COL12A1: variants seen among roughly 807,000 people sequenced by gnomAD.
COL12A1 encodes collagen alpha-1(XII) chain.
A neutral mutation model predicts 349.7 loss-of-function variants in COL12A1; 114 were observed. The observed-to-expected ratio is 0.33, with a 90% CI of 0.28 to 0.38. The LOEUF is 0.38. Among genes scored for constraint, COL12A1 ranks in the 10% least tolerant of loss-of-function variants. The pLI, the probability that COL12A1 is intolerant of heterozygous loss-of-function variation, is 1.00. For missense variants in COL12A1, 3,284 were observed against 3,756.9 expected (o/e 0.87, Z 3.29); for synonymous variants, 1,369 against 1,329.0 (o/e 1.03, Z -0.66).
At chr6:75,201,527 C>T (rs1250440914) in intron 2 of COL12A1, among the ~76,000 whole-genome samples, 1 of 151,960 alleles carries the variant, frequency 6.6e-6, no homozygotes, top group Non-Finnish European at 1.5e-5. Flanking sequence ...TACTTTCTCA[C>T]AGCCTCTAAA....
At chr6:75,092,557 G>A (rs777574133) in intron 60 of COL12A1, among the ~76,000 whole-genome samples, 60 of 141,320 alleles carry the variant, frequency 4.2e-4, no homozygotes, top group Non-Finnish European at 7.3e-4. Context: ...TGCTATCACC[G>A]AAGGAACATC....
At chr6:75,186,902 G>T (rs1019830298) in intron 8 of COL12A1, among the ~76,000 whole-genome samples, 1 of 152,020 alleles carries the variant, frequency 6.6e-6, no homozygotes, top group African/African-American at 2.4e-5. Context: ...TTGCTTATAA[G>T]TGGGGGCTAA....
chr6:75,102,073 A>G (rs761414791), intron 56 of COL12A1, 21 bp from the exon 57 acceptor site: 1 of 1,612,422 alleles, frequency 6.2e-7, no homozygotes, highest in South Asian at 1.1e-5. Flanking sequence ...CAATGGGAAA[A>G]CAGTTCTCAG....
chr6:75,094,113 G>A (rs1204185900), intron 60 of COL12A1, among the ~76,000 whole-genome samples: 1 of 151,730 alleles, frequency 6.6e-6, no homozygotes, highest in African/African-American at 2.4e-5. Flanking sequence ...TATATCAGGA[G>A]TCCTTCTATC....
At chr6:75,129,656 G>A (rs1007585414) in intron 37 of COL12A1, among the ~76,000 whole-genome samples, 1 of 152,158 alleles carries the variant, frequency 6.6e-6, no homozygotes, top group Non-Finnish European at 1.5e-5. Context: ...AGAAAAGAGA[G>A]ATCAATTAAC....
intron 2 of COL12A1, among the ~76,000 whole-genome samples, 178 bp downstream of exon 2, chr6:75,202,542 G>A (rs1770585033): frequency 6.6e-6 from 1 of 152,260 alleles, no homozygotes; most frequent in Non-Finnish European, 1.5e-5. Context: ...AGCTGGACCT[G>A]AGAGCTGGGA....
intron 64 of COL12A1, among the ~76,000 whole-genome samples, chr6:75,088,585 T>C (rs970915177): frequency 1.2e-4 from 18 of 152,308 alleles, no homozygotes; most frequent in African/African-American, 3.8e-4. Context: ...ATTAATGTTA[T>C]AGTTAATGCC....
chr6:75,169,221 C>G (rs539610061), intron 13 of COL12A1, among the ~76,000 whole-genome samples: 1 of 152,230 alleles, frequency 6.6e-6, no homozygotes, highest in South Asian at 2.1e-4. Flanking sequence ...CTGAGGAGCT[C>G]CAGACATCAG....
At chr6:75,175,390 G>A in intron 12 of COL12A1, 80 bp from the exon 13 acceptor site, 1 of 1,468,076 alleles carries the variant, frequency 6.8e-7, no homozygotes, top group South Asian at 1.3e-5. Flanking sequence ...CTTTACTTAT[G>A]CATGTGCACT....
In COL12A1 at chr6:75,113,741, G is replaced by T; in HGVS notation, c.7701C>A (p.Asp2567Glu). 2.5e-6 allele frequency: 4 copies of T among 1,570,796 alleles called. No individual in the cohort carries two copies. Among genetic ancestry groups the T allele is most frequent in the Non-Finnish European group, 3.5e-6 (4 of 1,156,224 alleles). ...KNAFVNQPTA[D>E]LHPNGLPPSY... is the part of the protein sequence containing the mutation. Reference sequence around the variant, plus strand: ...AAGGAGGGAGTCCATTTGGGTGTAGGTCTCTGTTGGATAAAACAAAAGAAA... The same window carrying T: ...AAGGAGGGAGTCCATTTGGGTGTAGTTCTCTGTTGGATAAAACAAAAGAAA... Residue 2567 changes from aspartate (D) to glutamate (E), a missense_variant, in exon 50 of 66, where the codon GAC becomes GAA. Around this residue, in one of 2 missense-constraint regions of COL12A1, gnomAD observed 683 missense variants for 932.1 expected, o/e 0.73. Transcript: ENST00000322507.
chr6:75,117,724 T>C (rs1562149264), intron 46 of COL12A1, 178 bp from the exon 47 acceptor site: 1 of 569,390 alleles, frequency 1.8e-6, no homozygotes, highest in Non-Finnish European at 3.0e-6. Flanking sequence ...GTCTTTCTAT[T>C]TTCTGGTCTA....
intron 13 of COL12A1, among the ~76,000 whole-genome samples, chr6:75,173,764 G>A (rs1244303696): frequency 6.6e-6 from 1 of 152,110 alleles, no homozygotes; most frequent in Non-Finnish European, 1.5e-5. Context: ...TGTATGTCCT[G>A]TCTCATTAAT....
At chr6:75,191,255 GA>G (rs1178694302) in intron 5 of COL12A1, among the ~76,000 whole-genome samples, 1 of 151,976 alleles carries the variant, frequency 6.6e-6, no homozygotes, top group Admixed American at 6.6e-5. Context: ...CACAGACTTA[GA>G]AAAGTATTTT....
At chr6:75,123,533 T>A (rs1765852661) in intron 42 of COL12A1, 129 bp from the exon 43 acceptor site, 1 of 762,870 alleles carries the variant, frequency 1.3e-6, no homozygotes, top group African/African-American at 1.8e-5. Context: ...ACCATTGTCA[T>A]CGGTACTGAC....
At chr6:75,134,927 T>C in intron 31 of COL12A1, 72 bp from the exon 32 acceptor site, 2 of 1,498,074 alleles carry the variant, frequency 1.3e-6, no homozygotes, top group Admixed American at 1.8e-5. Flanking sequence ...GAAAAAGCTC[T>C]TTCTACAGGG....
chr6:75,086,631 C>G, intron 65 of COL12A1, 74 bp from the exon 66 acceptor site: 1 of 993,994 alleles, frequency 1.0e-6, no homozygotes, highest in Non-Finnish European at 1.5e-6. Context: ...CATCCATCTA[C>G]GTATGTAATG....
At chr6:75,130,066 G>A (rs775189559) in intron 37 of COL12A1, 25 bp downstream of exon 37, 9 of 1,609,862 alleles carry the variant, frequency 5.6e-6, no homozygotes, top group Middle Eastern at 1.7e-4. Context: ...GATAAAATGT[G>A]CCAATAAATG....
chr6:75,187,109 C>T (rs181179), intron 8 of COL12A1, among the ~76,000 whole-genome samples: 3,172 of 150,346 alleles, frequency 0.021, 112 homozygotes, highest in African/African-American at 0.072. Flanking sequence ...TACATGTACC[C>T]CTGAACTTAA....
In COL12A1 at chr6:75,137,452, T is replaced by C. The variant is rs2149394158; in HGVS notation, c.5379A>G (p.Glu1793=). The C allele has an allele frequency of 1.2e-6, 2 of 1,604,986 alleles. No homozygotes were observed. Among genetic ancestry groups the C allele is most frequent in the Non-Finnish European group, 1.7e-6 (2 of 1,177,386 alleles). The part of the protein sequence containing the change: ...YRITYQPSTG[E]GNEQTTTIGG... The stretch of plus-strand genomic sequence containing the variant: ...AAAAAATTACCGTTTGCTCATTGCC[T>C]TCCCCTGTGGAAGGCTGATAAGTGA... The change falls in exon 31 of 66, where the codon GAA becomes GAG. Residue 1793 remains glutamate (E), a synonymous_variant. Transcript: ENST00000322507.
Sources: gnomAD v4.1 joint callset for allele counts (sites outside exome capture counted in the v4.1 genomes callset) on GRCh38, gnomAD v4.1.1 for gene constraint, gnomAD v4.1.1 regional missense constraint, MANE v1.5 for transcripts, NCBI Gene and HGNC (gene_info 2026-07-23, HGNC 2026-07-21) for gene names.